The following SLMAP variants were observed in gnomAD, a reference collection of about 807,000 sequenced individuals.
SLMAP encodes sarcolemmal membrane-associated protein.
Under a neutral mutation model 128.8 loss-of-function variants are expected in SLMAP, and 44 were observed. The observed-to-expected ratio is 0.34, with a 90% confidence interval of 0.27 to 0.44. The LOEUF (loss-of-function observed/expected upper bound fraction) is 0.44. Ranked by LOEUF, SLMAP falls within the 20% of genes least tolerant of loss-of-function variation. The probability of loss-of-function intolerance (pLI) is 1.00; values close to 1 mark genes in which losing one functional copy is unlikely to be tolerated. For missense variants in SLMAP, 787 were observed against 985.3 expected, an observed-to-expected ratio of 0.80 and a Z score of 2.69; for synonymous variants, 327 against 348.8, an observed-to-expected ratio of 0.94 and a Z score of 0.70.
rs200241939 is a variant in SLMAP, at chr3:57,860,772, C to T, written c.761C>T (p.Ala254Val). The change falls in exon 9 of 25, where the codon GCC becomes GTC. Residue 254 changes from alanine to valine, a missense_variant. Around this residue, in one of 2 missense-constraint regions of SLMAP, gnomAD observed 715 missense variants for 843.6 expected, o/e 0.85. Transcript: ENST00000671191. ...QEDKHNYETT[A>V]KESLRRVLQE... ...GATAAACATAACTATGAGACAACAG[C>T]CAAAGAGTCCCTGAGGCGGGTTCTT... 1 of 1,598,002 alleles carries T rather than the reference C, an allele frequency of 6.3e-7. No individual in the cohort carries two copies. Among genetic ancestry groups the T allele is most frequent in the African/African-American group, 1.4e-5 (1 of 73,686 alleles).
At chr3:57,763,129 G>C (rs2153431550) in intron 2 of SLMAP, among the ~76,000 whole-genome samples, 1 of 152,236 alleles carries the variant, frequency 6.6e-6, no homozygotes, top group African/African-American at 2.4e-5. Context: ...CTTGTGATTT[G>C]GATGGCCCTA....
intron 2 of SLMAP, among the ~76,000 whole-genome samples, chr3:57,803,217 G>A (rs894074268): frequency 6.6e-6 from 1 of 152,036 alleles, no homozygotes; most frequent in South Asian, 2.1e-4. Flanking sequence ...CATTAGGATA[G>A]AAACATGAGT....
intron 6 of SLMAP, among the ~76,000 whole-genome samples, chr3:57,852,882 T>C (rs752265606): frequency 2.0e-5 from 3 of 152,224 alleles, no homozygotes; most frequent in Non-Finnish European, 2.9e-5. Flanking sequence ...CTCTTTGAGA[T>C]AAAATTATAC....
chr3:57,839,543 C>T (rs2093819196), intron 3 of SLMAP, among the ~76,000 whole-genome samples: 1 of 149,112 alleles, frequency 6.7e-6, no homozygotes, highest in Admixed American at 6.8e-5. Flanking sequence ...CAGGTTCAAG[C>T]AGTTCTGCTG....
In SLMAP at chr3:57,841,328, A is replaced by G. The variant is rs778189929; in HGVS notation, c.376A>G (p.Lys126Glu). The G allele has an allele frequency of 6.2e-7, 1 of 1,609,646 alleles. No homozygotes were observed. The highest frequency in any genetic ancestry group is 8.5e-7 in the Non-Finnish European group (1 of 1,177,176). ...VTHGCIVSTI[K>E]LFLPDGMEAR... ...CCATGGGTGTATTGTTTCCACAATA[A>G]AACTTTTTCTACCAGATGGTATGGA... is the stretch of plus-strand genomic sequence containing the variant. Residue 126 changes from lysine to glutamate, a missense_variant, in exon 4 of 25, where the codon AAA (lysine) becomes GAA (glutamate). By Grantham distance (56) the Lys-to-Glu change is moderately conservative. Around this residue, in one of 2 missense-constraint regions of SLMAP, gnomAD observed 715 missense variants for 843.6 expected, o/e 0.85. Coordinates refer to ENST00000671191, the MANE Select transcript of SLMAP (RefSeq NM_001377540.1).
chr3:57,927,493 C>T lies in SLMAP; in HGVS notation c.*204C>T, dbSNP rs1479547327. On this transcript the variant is annotated 3_prime_UTR_variant, in exon 25 of 25. Transcript: ENST00000671191. Reference sequence around the variant, plus strand: ...TCTTCCTCTTTACCTCTTAAAACAGCAGAAGTACAAGAATACAGCTGTAGG... The same window carrying T: ...TCTTCCTCTTTACCTCTTAAAACAGTAGAAGTACAAGAATACAGCTGTAGG... The T allele has an allele frequency of 5.5e-6, 3 of 544,214 alleles. No homozygotes were observed. Among genetic ancestry groups the T allele is most frequent in the Admixed American group, 2.9e-5 (1 of 34,422 alleles). The allele number at this position is 544,214 out of a possible 1,614,324, so 33.7% of individuals were successfully genotyped here. A position where few individuals can be genotyped will look rare whatever the true frequency, so the allele number is the denominator to read the frequency against.
intron 15 of SLMAP, 123 bp downstream of exon 15, chr3:57,890,223 C>T (rs958514678): frequency 3.9e-6 from 3 of 769,382 alleles, no homozygotes; most frequent in Non-Finnish European, 6.4e-6. Context: ...AAATAGCAAG[C>T]CAGTAACAGT....
At chr3:57,911,107 G>T (rs1245548532) in intron 19 of SLMAP, among the ~76,000 whole-genome samples, 1 of 152,126 alleles carries the variant, frequency 6.6e-6, no homozygotes. Context: ...CGTAGACTGT[G>T]TAGGGGCAAT....
intron 19 of SLMAP, among the ~76,000 whole-genome samples, chr3:57,911,773 A>G (rs1404387592): frequency 6.6e-6 from 1 of 152,192 alleles, no homozygotes; most frequent in African/African-American, 2.4e-5. Flanking sequence ...GAGCCAGAGA[A>G]TGACAGTGAG....
chr3:57,826,762 C>A (rs1002313116), intron 2 of SLMAP, among the ~76,000 whole-genome samples: 4 of 152,190 alleles, frequency 2.6e-5, no homozygotes, highest in African/African-American at 9.7e-5. Flanking sequence ...CACACCATTC[C>A]CATTTCCAGC....
chr3:57,855,462 G>A (rs2094722632), intron 6 of SLMAP, among the ~76,000 whole-genome samples: 1 of 152,084 alleles, frequency 6.6e-6, no homozygotes, highest in Admixed American at 6.6e-5. Context: ...TGCAGGACTG[G>A]AAGCTGCTCT....
intron 21 of SLMAP, among the ~76,000 whole-genome samples, chr3:57,916,330 GA>G (rs1454728891): frequency 6.6e-6 from 1 of 152,158 alleles, no homozygotes; most frequent in African/African-American, 2.4e-5. Context: ...TGTTTACTCT[GA>G]AAATGAAATG....
chr3:57,881,484 G>A (rs1201247495), intron 14 of SLMAP, among the ~76,000 whole-genome samples: 1 of 152,140 alleles, frequency 6.6e-6, no homozygotes, highest in Non-Finnish European at 1.5e-5. Context: ...TTGAGACGGA[G>A]TCTTGCTCTG....
Position 57,786,085 on chromosome 3 carries a change from C to T in SLMAP, c.198+28236C>T, listed in dbSNP as rs749069424. Among the ~76,000 whole-genome samples the T allele has an allele frequency of 3.9e-5, 6 of 152,190 alleles. 1 individual carries two copies. In the South Asian group the frequency reaches 6.2e-4, roughly 16 times the overall value. On this transcript the variant is annotated intron_variant, in intron 2 of 24. Coordinates refer to ENST00000671191, the MANE Select transcript of SLMAP (RefSeq NM_001377540.1). Reference sequence around the variant, plus strand: ...ACTGTTTAGTATAATATTTTAGTAGCAGTGTATACCTGGTGTTAAATGATA... The same window carrying T: ...ACTGTTTAGTATAATATTTTAGTAGTAGTGTATACCTGGTGTTAAATGATA...
At chr3:57,855,444 A>G (rs1248182926) in intron 6 of SLMAP, among the ~76,000 whole-genome samples, 1 of 152,152 alleles carries the variant, frequency 6.6e-6, no homozygotes, top group South Asian at 2.1e-4. Flanking sequence ...CTTACCATGC[A>G]TAAAGCTTGC....
intron 14 of SLMAP, among the ~76,000 whole-genome samples, chr3:57,879,970 A>C (rs112676477): frequency 6.7e-6 from 1 of 149,594 alleles, no homozygotes; most frequent in Admixed American, 6.7e-5. Flanking sequence ...AAATAAAAAT[A>C]AAAAGCACAC....
Position 57,786,392 on chromosome 3 carries a change from A to G in SLMAP, c.198+28543A>G, listed in dbSNP as rs141865552. 1.4e-3 allele frequency among the ~76,000 whole-genome samples: 208 copies of G among 152,280 alleles called. 1 individual carries two copies. Among genetic ancestry groups the G allele is most frequent in the African/African-American group, 4.4e-3 (181 of 41,568 alleles). On this transcript the variant is annotated intron_variant, in intron 2 of 24. Transcript: ENST00000671191. ...AAGGGGAACATGTTATTCAACACAC[A>G]CTTTATTGGCCAAAGCAAGTCACGT...
At chr3:57,842,712 ATTC>A (rs1173880206) in intron 4 of SLMAP, among the ~76,000 whole-genome samples, 1 of 152,106 alleles carries the variant, frequency 6.6e-6, no homozygotes, top group African/African-American at 2.4e-5. Flanking sequence ...TGTTTCTCTA[ATTC>A]TTTTCATCTT....
Position 57,925,904 on chromosome 3 carries a change from T to G in SLMAP, c.2505T>G (p.Phe835Leu). 6.4e-7 allele frequency: 1 copy of G among 1,551,176 alleles called. No homozygotes were observed. The highest frequency in any genetic ancestry group is 1.2e-5 in the South Asian group (1 of 84,056). The change falls in exon 24 of 25, where the codon TTT becomes TTG. Residue 835 changes from phenylalanine to leucine, a missense_variant. This residue lies in a region of SLMAP where 715 missense variants were observed against 843.6 expected (regional missense o/e 0.85). Coordinates refer to ENST00000671191, the MANE Select transcript of SLMAP (RefSeq NM_001377540.1). ...TCGGCCTATTCCTGGCTTTCCTGTT[T>G]TGGTGTTTCGGTCCATTGTGGTAGA... ...VFIGLFLAFL[F>L]WCFGPLW
Sources: allele counts gnomAD v4.1 joint callset (sites outside exome capture counted in the v4.1 genomes callset), GRCh38; gene constraint gnomAD v4.1.1; regional missense constraint gnomAD v4.1.1; transcripts MANE v1.5; gene names NCBI Gene and HGNC (gene_info 2026-07-23, HGNC 2026-07-21).